The following SCEL variants were observed in gnomAD, a reference collection of about 807,000 sequenced individuals.
SCEL encodes the protein sciellin.
A neutral mutation model predicts 117.6 loss-of-function variants in SCEL; 113 were observed. That is an observed-to-expected ratio of 0.96 (90% CI 0.83 to 1.12). The LOEUF is 1.12. Among genes scored for constraint, SCEL ranks in the 50% most tolerant of loss-of-function variants. The pLI is 0.00. For missense variants in SCEL, 785 were observed against 810.8 expected, an observed-to-expected ratio of 0.97 and a Z score of 0.39; for synonymous variants, 270 against 256.2, an observed-to-expected ratio of 1.05 and a Z score of -0.51.
At chr13:77,552,363 CCTGA>C (rs1180733411) in intron 1 of SCEL, among the ~76,000 whole-genome samples, 1 of 151,918 alleles carries the variant, frequency 6.6e-6, no homozygotes, top group Non-Finnish European at 1.5e-5. Context: ...CCTGTTGTTT[CCTGA>C]CTTTTTAATG....
rs577419471 is a variant in SCEL at position 77,563,076 on chromosome 13, G to A, written c.222-755G>A. ...ATCTTTCCTTTGCTTCCATGATCAC[G>A]ATTCCTTCTACTGAGTCTTCTATCC... On this transcript the variant is annotated intron_variant, in intron 4 of 32. Transcript: ENST00000349847. 1.4e-4 allele frequency among the ~76,000 whole-genome samples: 21 copies of A among 152,102 alleles called. No individual in the cohort carries two copies. The South Asian group carries it at 2.9e-3, about 21-fold the overall frequency.
rs918151856 is a variant in SCEL at position 77,636,617 on chromosome 13, C to A, written c.1764-503C>A. Among the ~76,000 whole-genome samples, 9 of 152,312 alleles carry A rather than the reference C, an allele frequency of 5.9e-5. 1 individual carries two copies. The South Asian group carries it at 8.3e-4, about 14-fold the overall frequency. ...AATCTACATAATAGAAAACAGAAGA[C>A]TTTTAAAAATCATACTTCTTTGCTT... On this transcript the variant is annotated intron_variant, in intron 29 of 32. Coordinates refer to ENST00000349847, the MANE Select transcript of SCEL (RefSeq NM_144777.3).
chr13:77,598,059 G>A (rs1372943879), intron 13 of SCEL, among the ~76,000 whole-genome samples: 5 of 151,984 alleles, frequency 3.3e-5, no homozygotes, highest in East Asian at 1.9e-4. Context: ...CCTCCTGGCC[G>A]CTAGCCATCC....
At chr13:77,574,499 T>C (rs1273738377) in intron 9 of SCEL, among the ~76,000 whole-genome samples, 1 of 152,190 alleles carries the variant, frequency 6.6e-6, no homozygotes, top group East Asian at 1.9e-4. Context: ...TTGAAAATAA[T>C]GTCATGCCAA....
chr13:77,629,775 G>A (rs1285671960), intron 28 of SCEL, among the ~76,000 whole-genome samples: 2 of 152,174 alleles, frequency 1.3e-5, no homozygotes, highest in African/African-American at 2.4e-5. Context: ...AAAGTACAGA[G>A]AGCCATGTAG....
At chr13:77,563,590 T>C (rs1213891541) in intron 4 of SCEL, among the ~76,000 whole-genome samples, 1 of 152,182 alleles carries the variant, frequency 6.6e-6, no homozygotes, top group Non-Finnish European at 1.5e-5. Flanking sequence ...ATATGTTACA[T>C]TGTTGTCAGA....
intron 9 of SCEL, among the ~76,000 whole-genome samples, chr13:77,580,788 A>G (rs1436504929): frequency 6.6e-6 from 1 of 152,250 alleles, no homozygotes; most frequent in African/African-American, 2.4e-5. Context: ...AATATTTGAT[A>G]AAATTAAAGT....
chr13:77,566,720 T>G lies in SCEL; in HGVS notation c.291-960T>G, dbSNP rs150670719. Among the ~76,000 whole-genome samples the G allele has an allele frequency of 7.0e-3, 1,069 of 152,300 alleles. 8 individuals carry two copies. The highest frequency in any genetic ancestry group is 0.025 in the African/African-American group (1,025 of 41,554). On this transcript the variant is annotated intron_variant, in intron 5 of 32. Coordinates refer to ENST00000349847, the MANE Select transcript of SCEL (RefSeq NM_144777.3). ...ATGTGATTTGCTGGAGTCCATGAAG[T>G]GACTCAGGGACCTAAGTTCTTTCTA...
intron 15 of SCEL, among the ~76,000 whole-genome samples, chr13:77,600,500 A>G (rs1324819766): frequency 6.6e-6 from 1 of 152,126 alleles, no homozygotes; most frequent in Admixed American, 6.5e-5. Flanking sequence ...TCATATGTAT[A>G]TCTCTTCATA....
At chr13:77,632,289 A>C (rs533725425) in intron 28 of SCEL, among the ~76,000 whole-genome samples, 1 of 152,242 alleles carries the variant, frequency 6.6e-6, no homozygotes, top group Non-Finnish European at 1.5e-5. Context: ...TGCTGAGGAC[A>C]GTGCAAATGC....
At chr13:77,540,469 G>A (rs2083646509) in intron 1 of SCEL, among the ~76,000 whole-genome samples, 1 of 152,324 alleles carries the variant, frequency 6.6e-6, no homozygotes, top group South Asian at 2.1e-4. Flanking sequence ...TCATAACTCA[G>A]CCTGGGGAGG....
chr13:77,644,235 G>T (rs377169069), intron 32 of SCEL, 23 bp from the exon 33 acceptor site: 20 of 1,612,622 alleles, frequency 1.2e-5, no homozygotes, highest in Admixed American at 6.7e-5. Context: ...GAATTTGCAC[G>T]TCTTTTTTCT....
intron 9 of SCEL, among the ~76,000 whole-genome samples, chr13:77,584,210 CTTGCA>C (rs1249714331): frequency 6.6e-6 from 1 of 152,158 alleles, no homozygotes; most frequent in African/African-American, 2.4e-5. Context: ...CTGCCTCGCT[CTTGCA>C]TTTTAATCCC....
At chr13:77,541,344 T>G (rs1159193553) in intron 1 of SCEL, among the ~76,000 whole-genome samples, 2 of 152,206 alleles carry the variant, frequency 1.3e-5, no homozygotes, top group Non-Finnish European at 2.9e-5. Flanking sequence ...TAATTCTAAA[T>G]GCTGGCAAAT....
intron 25 of SCEL, 48 bp from the exon 26 acceptor site, chr13:77,617,755 A>C (rs377537005): frequency 6.5e-7 from 1 of 1,533,902 alleles, no homozygotes; most frequent in East Asian, 2.3e-5. Flanking sequence ...GATATTACCA[A>C]AAGAACTTCA....
chr13:77,559,358 G>C (rs1030703204), intron 3 of SCEL, among the ~76,000 whole-genome samples: 8 of 152,186 alleles, frequency 5.3e-5, no homozygotes, highest in African/African-American at 1.7e-4. Context: ...TTTTATGAAG[G>C]AGAACTGTCA....
chr13:77,635,428 G>A (rs944490224), intron 29 of SCEL, among the ~76,000 whole-genome samples: 26 of 152,078 alleles, frequency 1.7e-4, no homozygotes, highest in African/African-American at 3.1e-4. Context: ...AAGGCAAGGC[G>A]TGAAATATTG....
intron 27 of SCEL, among the ~76,000 whole-genome samples, chr13:77,623,680 T>G (rs1023144426): frequency 1.3e-5 from 2 of 152,188 alleles, no homozygotes; most frequent in African/African-American, 2.4e-5. Context: ...GATTCTGGCT[T>G]CTTCTCCTTT....
At chr13:77,608,821 C>G (rs560978321) in intron 20 of SCEL, among the ~76,000 whole-genome samples, 1 of 151,996 alleles carries the variant, frequency 6.6e-6, no homozygotes, top group Non-Finnish European at 1.5e-5. Context: ...TTAATGGCGT[C>G]TTGCTCTAAT....
Sources: gnomAD v4.1 joint callset for allele counts (sites outside exome capture counted in the v4.1 genomes callset) on GRCh38, gnomAD v4.1.1 for gene constraint, MANE v1.5 for transcripts, NCBI Gene and HGNC (gene_info 2026-07-23, HGNC 2026-07-21) for gene names.